SLC25A40: variants seen among roughly 807,000 people sequenced by gnomAD.
SLC25A40 encodes the protein solute carrier family 25 member 40.
SLC25A40 carries 41 observed loss-of-function variants against 46.5 expected under a neutral mutation model. The observed-to-expected ratio is 0.88, with a 90% CI of 0.69 to 1.14. The LOEUF is 1.14. SLC25A40 is among the 50% of genes most tolerant of loss of function. SLC25A40 has a pLI of 0.00. For missense variants in SLC25A40, 386 were observed against 393.6 expected (o/e 0.98, Z 0.16); for synonymous variants, 126 against 127.5 (o/e 0.99, Z 0.08).
intron 1 of SLC25A40, among the ~76,000 whole-genome samples, chr7:87,870,591 C>T (rs1049307229): frequency 6.6e-6 from 1 of 152,122 alleles, no homozygotes; most frequent in African/African-American, 2.4e-5. Flanking sequence ...TACCTATGAC[C>T]TGCCCCACCC....
In SLC25A40 at chr7:87,834,497, A is replaced by C. The variant is rs1043172408; in HGVS notation, c.*1752T>G. The C allele has an allele frequency of 6.6e-6, 1 of 151,660 alleles. No individual in the cohort carries two copies. The highest frequency in any genetic ancestry group is 6.6e-5 in the Admixed American group (1 of 15,160). 9.4% of individuals were successfully genotyped at this position (151,660 alleles called of 1,614,324 possible). On this transcript the variant is annotated 3_prime_UTR_variant, in exon 12 of 12. Coordinates refer to ENST00000341119, the MANE Select transcript of SLC25A40 (RefSeq NM_018843.4). The stretch of plus-strand genomic sequence containing the variant: ...ATATGTGTTAAAAAAACGACTAGGC[A>C]ATTAGATTTACTTATCTTACTTTAT...
chr7:87,837,470 T>C (rs1374742614), intron 10 of SLC25A40, among the ~76,000 whole-genome samples: 1 of 151,210 alleles, frequency 6.6e-6, no homozygotes, highest in Non-Finnish European at 1.5e-5. Context: ...ATTAGACCAG[T>C]GCTGTCTCCT....
At chr7:87,871,715 T>A (rs1332846577) in intron 1 of SLC25A40, among the ~76,000 whole-genome samples, 6 of 152,220 alleles carry the variant, frequency 3.9e-5, no homozygotes, top group Admixed American at 3.9e-4. Flanking sequence ...ATTTGTTAAA[T>A]TTTTGCTAAG....
intron 4 of SLC25A40, among the ~76,000 whole-genome samples, chr7:87,855,738 G>C (rs79136120): frequency 0.034 from 5,117 of 152,182 alleles, 276 homozygotes; most frequent in African/African-American, 0.11. Flanking sequence ...TTTTCTCACA[G>C]TCCAAACACG....
intron 2 of SLC25A40, among the ~76,000 whole-genome samples, chr7:87,859,607 G>A (rs545436046): frequency 6.6e-6 from 1 of 152,136 alleles, no homozygotes; most frequent in African/African-American, 2.4e-5. Context: ...TGTACATACA[G>A]CTTTTCTGAA....
intron 1 of SLC25A40, among the ~76,000 whole-genome samples, chr7:87,869,826 T>G (rs559627303): frequency 2.0e-5 from 3 of 152,320 alleles, no homozygotes; most frequent in Admixed American, 6.5e-5. Flanking sequence ...ATAAGTAGAA[T>G]AGCTGGATCA....
intron 4 of SLC25A40, among the ~76,000 whole-genome samples, chr7:87,854,692 G>C (rs910822019): frequency 6.6e-6 from 1 of 151,326 alleles, no homozygotes; most frequent in Non-Finnish European, 1.5e-5. Context: ...GGCGCCTGTA[G>C]TCCCAGCTAC....
At chr7:87,870,773 A>G (rs1383911265) in intron 1 of SLC25A40, among the ~76,000 whole-genome samples, 1 of 151,780 alleles carries the variant, frequency 6.6e-6, no homozygotes, top group African/African-American at 2.4e-5. Flanking sequence ...TCCTGCTCCA[A>G]CCCCTTTTCA....
At chr7:87,841,429 T>C (rs941628558) in intron 10 of SLC25A40, among the ~76,000 whole-genome samples, 1 of 151,726 alleles carries the variant, frequency 6.6e-6, no homozygotes, top group Non-Finnish European at 1.5e-5. Context: ...TCAAGAAACA[T>C]TAGACTTTAC....
intron 3 of SLC25A40, among the ~76,000 whole-genome samples, chr7:87,857,872 T>C: frequency 6.6e-6 from 1 of 152,202 alleles, no homozygotes; most frequent in East Asian, 1.9e-4. Flanking sequence ...AATAGAGCCA[T>C]ATTTTTCTTC....
At chr7:87,871,598 G>C (rs536702573) in intron 1 of SLC25A40, among the ~76,000 whole-genome samples, 1 of 152,312 alleles carries the variant, frequency 6.6e-6, no homozygotes, top group African/African-American at 2.4e-5. Context: ...GATACATACG[G>C]TTTTTCCTTT....
chr7:87,836,760 C>T lies in SLC25A40; in HGVS notation c.874G>A (p.Ala292Thr), dbSNP rs1046540396. Residue 292 changes from alanine to threonine, a missense_variant, in exon 11 of 12, where the codon GCT becomes ACT. Physicochemically the swap from Ala to Thr is moderately conservative, Grantham distance 58 (BLOSUM62 0). Transcript: ENST00000341119. ...AATAATCCGGAAAATCCATTTTTAG[C>T]AACAATGTTCTTCATTATAATCCAG... is the stretch of plus-strand genomic sequence containing the variant. Reference protein sequence around the residue: ...STWIIMKNIVAKNGFSGLFSG... With the variant: ...STWIIMKNIVTKNGFSGLFSG... 2 of 1,543,622 alleles carry T rather than the reference C, an allele frequency of 1.3e-6. No individual in the cohort carries two copies. The highest frequency in any genetic ancestry group is 1.4e-5 in the African/African-American group (1 of 69,840).
chr7:87,863,376 GCTTTCCCCC>G (rs1454828612), intron 1 of SLC25A40, among the ~76,000 whole-genome samples: 3 of 151,942 alleles, frequency 2.0e-5, no homozygotes, highest in Non-Finnish European at 2.9e-5. Context: ...TTTATAAGGG[GCTTTCCCCC>G]CTTTTGCTTG....
chr7:87,869,334 T>C (rs1039367042), intron 1 of SLC25A40, among the ~76,000 whole-genome samples: 2 of 152,088 alleles, frequency 1.3e-5, no homozygotes, highest in East Asian at 3.9e-4. Context: ...CAGACCAACC[T>C]GGGCAATGTG....
At chr7:87,859,358 C>A (rs1027471424) in intron 2 of SLC25A40, among the ~76,000 whole-genome samples, 2 of 152,018 alleles carry the variant, frequency 1.3e-5, no homozygotes, top group African/African-American at 4.8e-5. Flanking sequence ...AGGAGAATGG[C>A]GTGAACCCAG....
chr7:87,841,595 A>C, intron 10 of SLC25A40, 38 bp downstream of exon 10: 1 of 1,261,366 alleles, frequency 7.9e-7, no homozygotes, highest in Non-Finnish European at 1.1e-6. Flanking sequence ...AAAAACAAAA[A>C]TGGCATCTTA....
intron 8 of SLC25A40, among the ~76,000 whole-genome samples, chr7:87,845,538 AC>A (rs538030007): frequency 8.2e-4 from 125 of 152,208 alleles, no homozygotes; most frequent in African/African-American, 3.0e-3. Flanking sequence ...CCAATCACAC[AC>A]GCGCTCATGC....
intron 3 of SLC25A40, 113 bp from the exon 4 acceptor site, chr7:87,856,464 G>T: frequency 3.4e-6 from 3 of 880,438 alleles, no homozygotes; most frequent in Non-Finnish European, 5.8e-6. Flanking sequence ...CTATATAATT[G>T]GTAAGCTTAT....
chr7:87,847,208 G>A (rs1239951599), intron 7 of SLC25A40, 86 bp from the exon 8 acceptor site: 4 of 1,039,588 alleles, frequency 3.8e-6, no homozygotes, highest in Non-Finnish European at 5.1e-6. Flanking sequence ...AATATTCACA[G>A]ATTTTATATT....
Sources: gnomAD v4.1 joint callset for allele counts (sites outside exome capture counted in the v4.1 genomes callset) on GRCh38, gnomAD v4.1.1 for gene constraint, MANE v1.5 for transcripts, NCBI Gene and HGNC (gene_info 2026-07-23, HGNC 2026-07-21) for gene names.